SLC9C1: variants seen among roughly 807,000 people sequenced by gnomAD.
The protein encoded by SLC9C1 is solute carrier family 9 member C1, also known as sodium/hydrogen exchanger 10.
SLC9C1 carries 97 observed loss-of-function variants against 140.9 expected under a neutral mutation model. The ratio of observed to expected loss-of-function variants is 0.69; its 90% CI spans 0.58 to 0.82. The LOEUF is 0.82. SLC9C1 is among the 40% of genes least tolerant of loss of function. SLC9C1 has a pLI of 0.00. For missense variants in SLC9C1, 1,340 were observed against 1,389.3 expected (o/e 0.96, Z 0.56); for synonymous variants, 440 against 442.6 (o/e 0.99, Z 0.07).
At chr3:112,211,098 T>A (rs2108074967) in intron 15 of SLC9C1, among the ~76,000 whole-genome samples, 1 of 152,298 alleles carries the variant, frequency 6.6e-6, no homozygotes, top group South Asian at 2.1e-4. Flanking sequence ...ACTTTAGGTA[T>A]GTTTGTGAGC....
intron 12 of SLC9C1, among the ~76,000 whole-genome samples, chr3:112,238,731 C>T (rs866985932): frequency 9.8e-5 from 15 of 152,310 alleles, no homozygotes; most frequent in Middle Eastern, 3.4e-3. Flanking sequence ...ACTCCAGACC[C>T]TGTTTGCCTG....
chr3:112,281,845 A>G (rs1458417495), intron 2 of SLC9C1, among the ~76,000 whole-genome samples: 1 of 152,238 alleles, frequency 6.6e-6, no homozygotes, highest in African/African-American at 2.4e-5. Context: ...TTGATGCTTT[A>G]TGAAAAGTTT....
chr3:112,175,109 A>G (rs2077311679), intron 23 of SLC9C1, among the ~76,000 whole-genome samples: 1 of 152,076 alleles, frequency 6.6e-6, no homozygotes. Context: ...AGCCCTGACA[A>G]AGGGTGGCTG....
At chr3:112,271,934 G>T (rs990949175) in intron 6 of SLC9C1, among the ~76,000 whole-genome samples, 10 of 152,042 alleles carry the variant, frequency 6.6e-5, no homozygotes, top group Non-Finnish European at 1.2e-4. Flanking sequence ...GTACTTTTAG[G>T]TTCCAAAAGT....
chr3:112,225,649 A>G lies in SLC9C1; in HGVS notation c.1573-4424T>C, dbSNP rs541347669. ...CTGAATTGATTAAAATATAAGACCC[A>G]ACTACACACTGCCTATGCCTATTAA... On this transcript the variant is annotated intron_variant, in intron 13 of 28. Coordinates refer to ENST00000305815, the MANE Select transcript of SLC9C1 (RefSeq NM_183061.3). 8.5e-5 allele frequency among the ~76,000 whole-genome samples: 13 copies of G among 152,246 alleles called. No individual in the cohort carries two copies. The South Asian group carries it at 2.7e-3, about 32-fold the overall frequency.
intron 23 of SLC9C1, among the ~76,000 whole-genome samples, chr3:112,170,618 T>C (rs994153874): frequency 1.3e-5 from 2 of 152,182 alleles, no homozygotes; most frequent in African/African-American, 4.8e-5. Context: ...TAGATAAATA[T>C]ATGCATCTAT....
At chr3:112,148,441 T>C (rs1301453700) in intron 28 of SLC9C1, among the ~76,000 whole-genome samples, 1 of 152,164 alleles carries the variant, frequency 6.6e-6, no homozygotes, top group African/African-American at 2.4e-5. Flanking sequence ...CTTTTTCCCT[T>C]TAATAATATT....
At chr3:112,266,364 T>C in intron 7 of SLC9C1, 24 bp from the exon 8 acceptor site, 1 of 1,518,680 alleles carries the variant, frequency 6.6e-7, no homozygotes, top group Non-Finnish European at 9.0e-7. Context: ...GAAATAAATA[T>C]AAAGTATTAA....
At chr3:112,151,987 C>T (rs1440099233) in intron 27 of SLC9C1, 24 bp from the exon 28 acceptor site, 2 of 1,559,332 alleles carry the variant, frequency 1.3e-6, no homozygotes, top group Non-Finnish European at 1.7e-6. Flanking sequence ...CACTTTGTTA[C>T]TTGATGTCAT....
chr3:112,168,352 CACACACACACACACA>C (rs1339549454), intron 25 of SLC9C1, among the ~76,000 whole-genome samples: 1,252 of 114,606 alleles, frequency 0.011, 22 homozygotes, highest in African/African-American at 0.032. Context: ...CACACACACA[CACACACACACACACA>C]ACTTCTTTCC....
At chr3:112,211,269 T>A (rs944973207) in intron 15 of SLC9C1, among the ~76,000 whole-genome samples, 1 of 152,148 alleles carries the variant, frequency 6.6e-6, no homozygotes, top group Non-Finnish European at 1.5e-5. Context: ...AGTCTACAGC[T>A]CCCAACATGA....
At chr3:112,258,196 T>C (rs1349802455) in intron 10 of SLC9C1, among the ~76,000 whole-genome samples, 1 of 152,198 alleles carries the variant, frequency 6.6e-6, no homozygotes. Flanking sequence ...CCTGTGTATA[T>C]GCCCAAAAGA....
At chr3:112,179,510 C>T in intron 23 of SLC9C1, 21 bp downstream of exon 23, 1 of 1,585,152 alleles carries the variant, frequency 6.3e-7, no homozygotes, top group East Asian at 2.3e-5. Context: ...CAACAAAAGT[C>T]ACAGGCGAAG....
chr3:112,201,654 T>A (rs990186237), intron 18 of SLC9C1, among the ~76,000 whole-genome samples: 20 of 152,192 alleles, frequency 1.3e-4, no homozygotes, highest in Admixed American at 1.0e-3. Context: ...CTTAGAATTA[T>A]CTTTCCTGCT....
chr3:112,143,732 G>A (rs187055759), intron 28 of SLC9C1, among the ~76,000 whole-genome samples: 1 of 152,204 alleles, frequency 6.6e-6, no homozygotes, highest in African/African-American at 2.4e-5. Flanking sequence ...AAGCTCTTTA[G>A]TTTAATTAGG....
At chr3:112,193,050 A>T (rs2077696397) in intron 20 of SLC9C1, among the ~76,000 whole-genome samples, 2 of 152,168 alleles carry the variant, frequency 1.3e-5, no homozygotes, top group Non-Finnish European at 2.9e-5. Context: ...CTTTGGATCT[A>T]GGTGGATGCA....
chr3:112,221,127 C>T lies in SLC9C1; in HGVS notation c.1670+1G>A. The T allele has an allele frequency of 6.2e-7, 1 of 1,611,518 alleles. No homozygotes were observed. Among genetic ancestry groups the T allele is most frequent in the Non-Finnish European group, 8.5e-7 (1 of 1,177,922 alleles). On this transcript the variant is annotated splice_donor_variant, in intron 14 of 28. Coordinates refer to ENST00000305815, the MANE Select transcript of SLC9C1 (RefSeq NM_183061.3). LOFTEE classifies it high-confidence loss of function. The stretch of plus-strand genomic sequence containing the variant: ...AAGCCATCTCTTGAGAATATACTTA[C>T]TTTCCCTTCTTCTCACCAAAACTTT...
At chr3:112,143,282 G>A (rs1051476461) in intron 28 of SLC9C1, among the ~76,000 whole-genome samples, 2 of 152,134 alleles carry the variant, frequency 1.3e-5, no homozygotes, top group African/African-American at 4.8e-5. Flanking sequence ...GCATCAAATG[G>A]TAGTTCTGTT....
chr3:112,170,773 G>A (rs1306749081), intron 23 of SLC9C1, among the ~76,000 whole-genome samples: 3 of 152,022 alleles, frequency 2.0e-5, no homozygotes, highest in African/African-American at 7.3e-5. Context: ...ATTTCTCTTG[G>A]GTCAGTATCT....
Sources: gnomAD v4.1 joint callset for allele counts (sites outside exome capture counted in the v4.1 genomes callset) on GRCh38, gnomAD v4.1.1 for gene constraint, MANE v1.5 for transcripts, NCBI Gene and HGNC (gene_info 2026-07-23, HGNC 2026-07-21) for gene names.